The following MFSD12 variants were observed in gnomAD, a reference collection of about 807,000 sequenced individuals.
MFSD12 encodes the protein major facilitator superfamily domain-containing protein 12.
Under a neutral mutation model 51.2 loss-of-function variants are expected in MFSD12, and 67 were observed. The observed-to-expected ratio is 1.31, with a 90% CI of 1.08 to 1.60. The LOEUF (loss-of-function observed/expected upper bound fraction) is 1.60. MFSD12 is among the 40% of genes most tolerant of loss of function. The pLI, the probability that MFSD12 is intolerant of heterozygous loss-of-function variation, is 0.00. For missense variants in MFSD12, 921 were observed against 673.0 expected, an observed-to-expected ratio of 1.37 and a Z score of -4.08; for synonymous variants, 441 against 316.7, an observed-to-expected ratio of 1.39 and a Z score of -4.17.
chr19:3,551,281 A>C lies in MFSD12; in HGVS notation c.299-87T>G. 9.1e-7 allele frequency: 1 copy of C among 1,102,982 alleles called. No homozygotes were observed. Among genetic ancestry groups the C allele is most frequent in the Non-Finnish European group, 1.3e-6 (1 of 781,464 alleles). The allele number at this position is 1,102,982 out of a possible 1,614,324, so 68.3% of individuals were successfully genotyped here. A position where few individuals can be genotyped will look rare whatever the true frequency, so the allele number is the denominator to read the frequency against. The stretch of plus-strand genomic sequence containing the variant: ...AGGACATGGAGGGAGGAGAGAGGGA[A>C]ACTGAGGCACAGATGGAGACGCCCC... On this transcript the variant is annotated intron_variant, in intron 1 of 9. Transcript: ENST00000355415. The surrounding 1 kb of genome is among the most constrained non-coding windows in gnomAD (Gnocchi z 4.6).
chr19:3,557,038 G>T, intron 1 of MFSD12, 68 bp downstream of exon 1: 2 of 1,368,692 alleles, frequency 1.5e-6, no homozygotes, highest in Non-Finnish European at 9.5e-7. Context: ...TGAGTCAGAG[G>T]GAGGAGGCGC....
At chr19:3,557,062 T>A (rs2145230838) in intron 1 of MFSD12, 44 bp downstream of exon 1, 1 of 1,364,666 alleles carries the variant, frequency 7.3e-7, no homozygotes, top group East Asian at 3.6e-5. Flanking sequence ...GGTCGCGGAG[T>A]CTCGGAGGGG....
chr19:3,544,574 C>G lies in MFSD12; in HGVS notation c.*136G>C, dbSNP rs1461598082. 1.1e-5 allele frequency: 16 copies of G among 1,459,622 alleles called. No individual in the cohort carries two copies. The highest frequency in any genetic ancestry group is 1.4e-5 in the Non-Finnish European group (16 of 1,110,330). The allele number at this position is 1,459,622 out of a possible 1,614,324, so 90.4% of individuals were successfully genotyped here. On this transcript the variant is annotated 3_prime_UTR_variant, in exon 10 of 10. Coordinates refer to ENST00000355415, the MANE Select transcript of MFSD12 (RefSeq NM_174983.5). ...CTGCTGCCCTCACCCGACCCCACCC[C>G]CGGGAGCTGGGTGAGGATGGAGGGT...
At position 3,557,305 on chromosome 19, in the gene MFSD12, G is replaced by A. The variant is rs774500570; in HGVS notation, c.99C>T (p.Asp33=). ...AGGTGAACCACATGGACGCGCACAG[G>A]TCGTTGAGGAAGTGGCCCACGGCGT... The part of the protein sequence containing the change: ...LSYAVGHFLN[D]LCASMWFTYL... Residue 33 remains aspartate, a synonymous_variant, in exon 1 of 10, where the codon GAC becomes GAT. Transcript: ENST00000355415. The A allele has an allele frequency of 2.6e-5, 42 of 1,591,712 alleles. 2 individuals carry two copies. Among genetic ancestry groups the A allele is most frequent in the East Asian group, 9.3e-5 (4 of 43,010 alleles).
At chr19:3,543,487 C>CA, downstream of MFSD12, 2 of 1,519,526 alleles carry the variant, frequency 1.3e-6, no homozygotes, top group Admixed American at 2.0e-5. Flanking sequence ...AGTGCCCCCC[C>CA]CCCCGCCCTG....
chr19:3,540,403 A>G (rs2030279469), downstream of MFSD12, among the ~76,000 whole-genome samples: 2 of 151,510 alleles, frequency 1.3e-5, no homozygotes, highest in Admixed American at 1.3e-4. Flanking sequence ...GATTACAGGC[A>G]TGCGCTACCA....
Position 3,547,962 on chromosome 19 carries a change from C to T in MFSD12, c.723G>A (p.Glu241=). The stretch of plus-strand genomic sequence containing the variant: ...GCTCCTCCGCATGCGGCCGGCGCCT[C>T]TCCCGGGTGCCCAGGTGGAATAGCA... ...FSLLFHLGTR[E]RRRPHAEEPG... The change falls in exon 4 of 10, where the codon GAG becomes GAA. Residue 241 remains glutamate, a synonymous_variant. Coordinates refer to ENST00000355415, the MANE Select transcript of MFSD12 (RefSeq NM_174983.5). 1 of 1,597,576 alleles carries T rather than the reference C, an allele frequency of 6.3e-7. No individual in the cohort carries two copies. The highest frequency in any genetic ancestry group is 1.7e-5 in the Admixed American group (1 of 57,880).
chr19:3,553,747 A>C (rs1263857575), intron 1 of MFSD12, among the ~76,000 whole-genome samples: 9 of 149,794 alleles, frequency 6.0e-5, no homozygotes, highest in Admixed American at 2.7e-4. Context: ...AAAAAAAAAA[A>C]AAAAAACAAT....
At chr19:3,544,991 C>T in intron 8 of MFSD12, 52 bp from the exon 9 acceptor site, 1 of 1,542,374 alleles carries the variant, frequency 6.5e-7, no homozygotes. Context: ...ACCCCCCCGC[C>T]ACCCAAGCTG....
Position 3,551,352 on chromosome 19 carries a change from C to T in MFSD12, c.299-158G>A, listed in dbSNP as rs2031468939. Among the ~76,000 whole-genome samples the T allele has an allele frequency of 1.3e-5, 2 of 152,186 alleles. No individual in the cohort carries two copies. Among genetic ancestry groups the T allele is most frequent in the South Asian group, 4.1e-4 (2 of 4,830 alleles). On this transcript the variant is annotated intron_variant, in intron 1 of 9. Coordinates refer to ENST00000355415, the MANE Select transcript of MFSD12 (RefSeq NM_174983.5). This position sits in a 1 kb window ranked among gnomAD's most constrained non-coding sequence, Gnocchi z 4.6. Reference sequence around the variant, plus strand: ...AGGAGCGAGGGTCTGCAGTCGGGGTCCCCCAGGCTTATGGCCCCTGGTGAC... The same window carrying T: ...AGGAGCGAGGGTCTGCAGTCGGGGTTCCCCAGGCTTATGGCCCCTGGTGAC...
intron 8 of MFSD12, 74 bp from the exon 9 acceptor site, chr19:3,545,013 C>T: frequency 1.3e-6 from 2 of 1,506,390 alleles, no homozygotes; most frequent in Non-Finnish European, 1.8e-6. Context: ...ACCTGTGCCT[C>T]CCCTCACCCC....
downstream of MFSD12, chr19:3,542,887 G>T (rs772188626): frequency 3.6e-6 from 5 of 1,405,022 alleles, no homozygotes; most frequent in Non-Finnish European, 4.8e-6. Flanking sequence ...GAAGGGACTT[G>T]TGGGTCTTGG....
downstream of MFSD12, chr19:3,542,116 G>A (rs1261951160): frequency 5.1e-6 from 5 of 985,180 alleles, no homozygotes; most frequent in African/African-American, 7.0e-5. Context: ...AGACAATTTT[G>A]TGCTGTTTTA....
At chr19:3,542,543 A>C, downstream of MFSD12, 2 of 870,956 alleles carry the variant, frequency 2.3e-6, no homozygotes, top group Non-Finnish European at 2.8e-6. Flanking sequence ...GCACGATCTC[A>C]GCTTACTGCA....
At chr19:3,554,937 C>T (rs2031658322) in intron 1 of MFSD12, among the ~76,000 whole-genome samples, 1 of 152,222 alleles carries the variant, frequency 6.6e-6, no homozygotes, top group Admixed American at 6.5e-5. Flanking sequence ...CCTCCAGGCC[C>T]ACCCAGGTGG....
In MFSD12 at chr19:3,548,201, C is replaced by G. The variant is rs2031238545; in HGVS notation, c.576G>C (p.Gln192His). ...YGAAWLLLHLQGSSRVEPTQD... is the reference protein window; with the variant it reads ...YGAAWLLLHLHGSSRVEPTQD... ...GGGTGGGCTCCACCCGCGACGAGCC[C>G]TGCAGGTGCAGCAGGAGCCAGGCGG... The change falls in exon 3 of 10, where the codon CAG (glutamine) becomes CAC (histidine). Residue 192 changes from glutamine (Q) to histidine (H), a missense_variant. Gln to His is a conservative substitution (Grantham distance 24). Coordinates refer to ENST00000355415, the MANE Select transcript of MFSD12 (RefSeq NM_174983.5). 2 of 1,570,038 alleles carry G rather than the reference C, an allele frequency of 1.3e-6. No individual in the cohort carries two copies. The highest frequency in any genetic ancestry group is 1.4e-5 in the African/African-American group (1 of 73,808).
chr19:3,546,521 G>A (rs1459874367), intron 6 of MFSD12, 96 bp from the exon 7 acceptor site: 19 of 1,409,172 alleles, frequency 1.3e-5, no homozygotes, highest in Non-Finnish European at 1.8e-5. Flanking sequence ...CAGCAAACAA[G>A]GCATGAGCTG....
chr19:3,550,904 C>T (rs569936716), intron 2 of MFSD12, 80 bp downstream of exon 2: 9 of 1,199,888 alleles, frequency 7.5e-6, no homozygotes, highest in South Asian at 4.0e-5. Flanking sequence ...AGTCTGTGGC[C>T]GCTCATTATG....
At chr19:3,553,810 G>A (rs1415246464) in intron 1 of MFSD12, among the ~76,000 whole-genome samples, 3 of 151,510 alleles carry the variant, frequency 2.0e-5, no homozygotes, top group Non-Finnish European at 2.9e-5. Context: ...GGCTGGGTGC[G>A]GTGGCTCATG....
Sources: gnomAD v4.1 joint callset for allele counts (sites outside exome capture counted in the v4.1 genomes callset) on GRCh38, gnomAD v4.1.1 for gene constraint, Gnocchi (gnomAD v3.1) non-coding constraint, MANE v1.5 for transcripts, NCBI Gene and HGNC (gene_info 2026-07-23, HGNC 2026-07-21) for gene names.